RUNX3: variants seen among roughly 807,000 people sequenced by gnomAD.
The protein encoded by RUNX3 is RUNX family transcription factor 3, also known as runt-related transcription factor 3.
A neutral mutation model predicts 27.7 loss-of-function variants in RUNX3; 10 were observed. The ratio of observed to expected loss-of-function variants is 0.36; its 90% CI spans 0.22 to 0.61. The LOEUF (loss-of-function observed/expected upper bound fraction) is 0.61, where lower values mean the gene tolerates loss of function less well. Ranked by LOEUF, RUNX3 falls within the 20% of genes least tolerant of loss-of-function variation. The pLI, the probability that RUNX3 is intolerant of heterozygous loss-of-function variation, is 0.72. For synonymous variants in RUNX3, 270 were observed against 269.2 expected, an observed-to-expected ratio of 1.00 and a Z score of -0.03; for missense variants, 469 against 629.5, an observed-to-expected ratio of 0.75 and a Z score of 2.73.
intron 2 of RUNX3, among the ~76,000 whole-genome samples, chr1:24,950,365 C>T (rs890940439): frequency 3.3e-5 from 5 of 152,132 alleles, no homozygotes; most frequent in Admixed American, 6.5e-5. Context: ...CAGTGGAGGG[C>T]GGCAGTGCAG....
At chr1:24,953,201 C>T (rs1284495940) in intron 2 of RUNX3, among the ~76,000 whole-genome samples, 3 of 151,642 alleles carry the variant, frequency 2.0e-5, no homozygotes, top group Non-Finnish European at 4.4e-5. Flanking sequence ...CCCGTCTCTA[C>T]TAAAAATACA....
intron 2 of RUNX3, among the ~76,000 whole-genome samples, chr1:24,958,851 A>G (rs1343903386): frequency 6.6e-6 from 1 of 152,164 alleles, no homozygotes; most frequent in Admixed American, 6.5e-5. Context: ...AGTCTGGAAG[A>G]TTGGGTGAGA....
chr1:24,948,630 T>A (rs1404803342), intron 2 of RUNX3, among the ~76,000 whole-genome samples: 1 of 114,950 alleles, frequency 8.7e-6, no homozygotes, highest in African/African-American at 3.5e-5. Flanking sequence ...GATGGGTGCA[T>A]GTCGGGGAGG....
At chr1:24,921,507 G>T (rs1161688972) in intron 2 of RUNX3, among the ~76,000 whole-genome samples, 1 of 152,212 alleles carries the variant, frequency 6.6e-6, no homozygotes, top group East Asian at 1.9e-4. Context: ...CCCCAGGTCA[G>T]AACAGACCTG....
chr1:24,907,246 C>T lies in RUNX3; in HGVS notation c.703+13G>A. ...CACCTCACCCCGCTGCAGCCCCTCC[C>T]TCCGTGCCGTACCTTGGATTGGGGT... On this transcript the variant is annotated intron_variant, in intron 4 of 4. Transcript: ENST00000308873. 6.2e-7 allele frequency: 1 copy of T among 1,605,816 alleles called. No homozygotes were observed. The highest frequency in any genetic ancestry group is 8.5e-7 in the Non-Finnish European group (1 of 1,179,550).
chr1:24,919,010 G>A (rs1640942234), intron 3 of RUNX3, among the ~76,000 whole-genome samples: 1 of 152,188 alleles, frequency 6.6e-6, no homozygotes, highest in African/African-American at 2.4e-5. Context: ...TCCCTCAGTA[G>A]TCTCCATGGA....
chr1:24,903,134 G>A (rs1023940290), intron 4 of RUNX3, among the ~76,000 whole-genome samples: 1 of 152,208 alleles, frequency 6.6e-6, no homozygotes, highest in South Asian at 2.1e-4. Context: ...CTGGGAGTTG[G>A]AACCCGCTTT....
At chr1:24,955,646 A>G (rs1641898640) in intron 2 of RUNX3, among the ~76,000 whole-genome samples, 1 of 152,116 alleles carries the variant, frequency 6.6e-6, no homozygotes, top group Admixed American at 6.5e-5. Context: ...GAGGCTCTGG[A>G]GCTTAGAACA....
Position 24,908,274 on chromosome 1 carries a change from A to ACGCGGTGATCTG in RUNX3, c.545-858_545-857insCAGATCACCGCG, listed in dbSNP as rs1557837452. ...GAACCTCTACGACACGCGGTGATCCAAACCTCTACGACATGTGGTGATCCA... is the reference window on the plus strand; with the variant it reads ...GAACCTCTACGACACGCGGTGATCCACGCGGTGATCTGAACCTCTACGACATGTGGTGATCCA... On this transcript the variant is annotated intron_variant, in intron 3 of 4. Coordinates refer to ENST00000308873, the MANE Select transcript of RUNX3 (RefSeq NM_004350.3). Among the ~76,000 whole-genome samples, 10 of 145,344 alleles carry ACGCGGTGATCTG rather than the reference A, an allele frequency of 6.9e-5. 1 individual carries two copies. The highest frequency in any genetic ancestry group is 2.4e-4 in the African/African-American group (9 of 37,270).
chr1:24,929,718 C>T lies in RUNX3; in HGVS notation c.151G>A (p.Glu51Lys). Reference protein sequence around the residue: ...AVGPGGRARPEVRSMVDVLAD... With the variant: ...AVGPGGRARPKVRSMVDVLAD... ...AGCACGTCCACCATCGAGCGCACCT[C>T]GGGCCGGGCGCGCCCTCCGGGCCCC... Residue 51 changes from glutamate to lysine, a missense_variant, in exon 1 of 5, where the codon GAG (glutamate) becomes AAG (lysine). By Grantham distance (56) the Glu-to-Lys change is moderately conservative. This residue lies in a region of RUNX3 where 115 missense variants were observed against 118.0 expected (regional missense o/e 0.97). Transcript: ENST00000308873. 1 of 1,519,754 alleles carries T rather than the reference C, an allele frequency of 6.6e-7. No homozygotes were observed. The highest frequency in any genetic ancestry group is 8.7e-7 in the Non-Finnish European group (1 of 1,143,960). The allele number at this position is 1,519,754 out of a possible 1,614,324, so 94.1% of individuals were successfully genotyped here.
intron 3 of RUNX3, among the ~76,000 whole-genome samples, chr1:24,915,169 G>A (rs538067176): frequency 7.3e-5 from 11 of 150,548 alleles, no homozygotes; most frequent in African/African-American, 2.8e-4. Flanking sequence ...CACGCCTGTA[G>A]TCCCAGCACT....
In RUNX3 at chr1:24,907,255, G is replaced by T; in HGVS notation, c.703+4C>A. 1 of 1,608,540 alleles carries T rather than the reference G, an allele frequency of 6.2e-7. No homozygotes were observed. The highest frequency in any genetic ancestry group is 2.2e-5 in the East Asian group (1 of 44,878). ...CCGCTGCAGCCCCTCCCTCCGTGCC[G>T]TACCTTGGATTGGGGTCTGGGGCTG... On this transcript the variant is annotated splice_donor_region_variant and intron_variant, in intron 4 of 4. Coordinates refer to ENST00000308873, the MANE Select transcript of RUNX3 (RefSeq NM_004350.3).
rs955934153 is a variant in RUNX3, at chr1:24,943,499, G to T, written c.59-13647C>A. Reference sequence around the variant, plus strand: ...GGTTCTGTGATCATCCCCACTTACAGTTGGGGAAACTGAGGCTCGGCAAGG... The same window carrying T: ...GGTTCTGTGATCATCCCCACTTACATTTGGGGAAACTGAGGCTCGGCAAGG... On this transcript the variant is annotated intron_variant, in intron 2 of 6. Coordinates refer to the RUNX3 transcript ENST00000338888. This position sits in a 1 kb window ranked among gnomAD's most constrained non-coding sequence, Gnocchi z 4.6. Among the ~76,000 whole-genome samples the T allele has an allele frequency of 1.3e-5, 2 of 152,208 alleles. No individual in the cohort carries two copies. Among genetic ancestry groups the T allele is most frequent in the African/African-American group, 4.8e-5 (2 of 41,450 alleles).
upstream of RUNX3, among the ~76,000 whole-genome samples, chr1:24,931,424 G>A (rs7520923): frequency 1.3e-5 from 2 of 152,096 alleles, no homozygotes; most frequent in African/African-American, 4.8e-5. Flanking sequence ...TAAGTCTGTC[G>A]AGCAGACCTA....
In RUNX3 at chr1:24,916,039, G is replaced by A. The variant is rs1455831097; in HGVS notation, c.544+3201C>T. On this transcript the variant is annotated intron_variant, in intron 3 of 4. Transcript: ENST00000308873. The surrounding 1 kb of genome is among the most constrained non-coding windows in gnomAD (Gnocchi z 4.8). ...GGCTGCAGGCCGGGCACGCTCTGCA[G>A]GGCACCAGAGGGGAACGACCCGGCC... Among the ~76,000 whole-genome samples the A allele has an allele frequency of 7.9e-5, 12 of 152,214 alleles. No individual in the cohort carries two copies. Among genetic ancestry groups the A allele is most frequent in the Non-Finnish European group, 1.5e-4 (10 of 68,040 alleles).
intron 2 of RUNX3, chr1:24,961,761 C>G (rs907584464): frequency 2.0e-5 from 3 of 152,194 alleles, no homozygotes; most frequent in Non-Finnish European, 2.9e-5. Context: ...GTTTAAAACT[C>G]TCTAGGGGCG....
chr1:24,917,539 A>G (rs1640913087), intron 3 of RUNX3, among the ~76,000 whole-genome samples: 1 of 151,996 alleles, frequency 6.6e-6, no homozygotes, highest in South Asian at 2.1e-4. Flanking sequence ...ATCACACTTC[A>G]TGGAGGAGGG....
chr1:24,902,660 G>C lies in RUNX3; in HGVS notation c.710C>G (p.Ser237Trp). Residue 237 changes from serine (S) to tryptophan (W), a missense_variant, in exon 5 of 5, where the codon TCG (serine) becomes TGG (tryptophan). By Grantham distance (177) the Ser-to-Trp change is radical (BLOSUM62 -3). This residue lies in a region of RUNX3 where 279 missense variants were observed against 343.0 expected (regional missense o/e 0.81). Transcript: ENST00000308873. The surrounding 1 kb of genome is among the most constrained non-coding windows in gnomAD (Gnocchi z 9.2). ...GGGGTCGGAGAATGGGTTCAGTTCC[G>C]AGGTGCCTGGAGGACAGCAGGGAAG... ...SQPQTPIQGT[S>W]ELNPFSDPRQ... 1 of 1,515,816 alleles carries C rather than the reference G, an allele frequency of 6.6e-7. No homozygotes were observed. The highest frequency in any genetic ancestry group is 2.3e-5 in the East Asian group (1 of 43,850). The allele number at this position is 1,515,816 out of a possible 1,614,324, so 93.9% of individuals were successfully genotyped here. A position where few individuals can be genotyped will look rare whatever the true frequency, so the allele number is the denominator to read the frequency against.
rs1640895742 is a variant in RUNX3, at chr1:24,916,698, C to A, written c.544+2542G>T. ...TCTCAGGGCCAGGATATGCCAGGGA[C>A]AGGAACAGGCAGGTCCTAAGGATGG... is the stretch of plus-strand genomic sequence containing the variant. On this transcript the variant is annotated intron_variant, in intron 3 of 4. Transcript: ENST00000308873. This position sits in a 1 kb window ranked among gnomAD's most constrained non-coding sequence, Gnocchi z 4.8. Among the ~76,000 whole-genome samples the A allele has an allele frequency of 6.6e-6, 1 of 152,128 alleles. No homozygotes were observed. Among genetic ancestry groups the A allele is most frequent in the Non-Finnish European group, 1.5e-5 (1 of 68,014 alleles).
Sources: gnomAD v4.1 joint callset for allele counts (sites outside exome capture counted in the v4.1 genomes callset) on GRCh38, gnomAD v4.1.1 for gene constraint, gnomAD v4.1.1 regional missense constraint, Gnocchi (gnomAD v3.1) non-coding constraint, MANE v1.5 for transcripts, NCBI Gene and HGNC (gene_info 2026-07-23, HGNC 2026-07-21) for gene names.